UBE2O: variants seen among roughly 807,000 people sequenced by gnomAD.
UBE2O encodes the protein (E3-independent) E2 ubiquitin-conjugating enzyme.
A neutral mutation model predicts 125.8 loss-of-function variants in UBE2O; 15 were observed. The ratio of observed to expected loss-of-function variants is 0.12; its 90% CI spans 0.08 to 0.18. The LOEUF (loss-of-function observed/expected upper bound fraction) is 0.18. UBE2O is among the 10% of genes least tolerant of loss of function. The pLI is 1.00. For missense variants in UBE2O, 1,280 were observed against 1,723.6 expected (o/e 0.74, Z 4.56); for synonymous variants, 708 against 703.2 (o/e 1.01, Z -0.11).
chr17:76,397,381 T>A (rs1444712169), intron 13 of UBE2O, among the ~76,000 whole-genome samples: 2 of 152,232 alleles, frequency 1.3e-5, no homozygotes, highest in Non-Finnish European at 2.9e-5. Context: ...AGAGCCCGTG[T>A]AGCCCTTCTG....
intron 1 of UBE2O, among the ~76,000 whole-genome samples, chr17:76,413,458 C>T (rs916227854): frequency 2.5e-4 from 38 of 152,122 alleles, no homozygotes; most frequent in African/African-American, 7.7e-4. Context: ...CAAAAAAAAA[C>T]CTGAGTGCAT....
At chr17:76,440,537 A>G (rs2073062691) in intron 1 of UBE2O, among the ~76,000 whole-genome samples, 1 of 152,256 alleles carries the variant, frequency 6.6e-6, no homozygotes, top group African/African-American at 2.4e-5. Context: ...CATGTTGCCC[A>G]GGCTGGTCTC....
chr17:76,410,728 C>T lies in UBE2O; in HGVS notation c.418-5156G>A, dbSNP rs1408031590. 2.0e-5 allele frequency among the ~76,000 whole-genome samples: 3 copies of T among 148,168 alleles called. No individual in the cohort carries two copies. The highest frequency in any genetic ancestry group is 7.5e-5 in the African/African-American group (3 of 39,812). Reference sequence around the variant, plus strand: ...CCACTCAGAGCAGGCATTCAGGAGCCGGGGAAGCTCACCGGGGGCCTCTCC... The same window carrying T: ...CCACTCAGAGCAGGCATTCAGGAGCTGGGGAAGCTCACCGGGGGCCTCTCC... On this transcript the variant is annotated intron_variant, in intron 1 of 17. Coordinates refer to ENST00000319380, the MANE Select transcript of UBE2O (RefSeq NM_022066.4). This position sits in a 1 kb window ranked among gnomAD's most constrained non-coding sequence, Gnocchi z 4.0.
rs544112432 is a variant in UBE2O at position 76,443,496 on chromosome 17, C to T, written c.417+9229G>A. 1.1e-4 allele frequency among the ~76,000 whole-genome samples: 16 copies of T among 152,180 alleles called. No individual in the cohort carries two copies. The South Asian group carries it at 3.1e-3, about 30-fold the overall frequency. On this transcript the variant is annotated intron_variant, in intron 1 of 17. Coordinates refer to ENST00000319380, the MANE Select transcript of UBE2O (RefSeq NM_022066.4). ...TAGAGATGGGGTTTCACCATGTTGG[C>T]CAGGCTGGTCTCGAACTCCTGACCT...
Position 76,452,715 on chromosome 17 carries a change from C to CAA in UBE2O, c.417+9_417+10insTT, listed in dbSNP as rs759558089. On this transcript the variant is annotated intron_variant, in intron 1 of 17. Coordinates refer to ENST00000319380, the MANE Select transcript of UBE2O (RefSeq NM_022066.4). The surrounding 1 kb of genome is among the most constrained non-coding windows in gnomAD (Gnocchi z 4.4). ...TGCCGCCCGCGCCGCCCAGCCCCCG[C>CAA]CCGCCGCACCTTGGTCTCCTTCACA... 9 of 1,396,484 alleles carry CAA rather than the reference C, an allele frequency of 6.4e-6. No individual in the cohort carries two copies. Among genetic ancestry groups the CAA allele is most frequent in the Non-Finnish European group, 7.4e-6 (8 of 1,084,776 alleles). 86.5% of individuals were successfully genotyped at this position (1,396,484 alleles called of 1,614,324 possible).
chr17:76,396,010 C>T lies in UBE2O; in HGVS notation c.2809+118G>A, dbSNP rs754768986. ...TGACCACACAGGGAAATGGTTTGCC[C>T]TGGGGCAGTAGCTGGGGTCTGGCGA... On this transcript the variant is annotated intron_variant, in intron 14 of 17. Coordinates refer to ENST00000319380, the MANE Select transcript of UBE2O (RefSeq NM_022066.4). The surrounding 1 kb of genome is among the most constrained non-coding windows in gnomAD (Gnocchi z 6.7). 2.3e-5 allele frequency: 34 copies of T among 1,491,262 alleles called. No homozygotes were observed. The highest frequency in any genetic ancestry group is 3.0e-5 in the Non-Finnish European group (33 of 1,094,432). The allele number at this position is 1,491,262 out of a possible 1,614,324, so 92.4% of individuals were successfully genotyped here. A position where few individuals can be genotyped will look rare whatever the true frequency, so the allele number is the denominator to read the frequency against.
chr17:76,415,260 G>A (rs1473978811), intron 1 of UBE2O, among the ~76,000 whole-genome samples: 1 of 152,176 alleles, frequency 6.6e-6, no homozygotes, highest in Non-Finnish European at 1.5e-5. Flanking sequence ...TCCTGACGGA[G>A]CCTGCCAGGA....
rs1020934436 is a variant in UBE2O at position 76,399,391 on chromosome 17, C to T, written c.1628+58G>A. ...CGCAGGCACGCACACCGAGGGGACG[C>T]GCACTCTGCCTGGCTTCACGCTGAC... On this transcript the variant is annotated intron_variant, in intron 9 of 17. Coordinates refer to ENST00000319380, the MANE Select transcript of UBE2O (RefSeq NM_022066.4). This position sits in a 1 kb window ranked among gnomAD's most constrained non-coding sequence, Gnocchi z 6.9. 76 of 1,525,624 alleles carry T rather than the reference C, an allele frequency of 5.0e-5. No homozygotes were observed. The highest frequency in any genetic ancestry group is 1.6e-4 in the South Asian group (13 of 83,788). 94.5% of individuals were successfully genotyped at this position (1,525,624 alleles called of 1,614,324 possible).
In UBE2O at chr17:76,396,328, T is replaced by G; in HGVS notation, c.2609A>C (p.Asn870Thr). Residue 870 changes from asparagine (N) to threonine (T), a missense_variant, in exon 14 of 18, where the codon AAT becomes ACT. Physicochemically the swap from Asn to Thr is moderately conservative, Grantham distance 65 (BLOSUM62 0). Coordinates refer to ENST00000319380, the MANE Select transcript of UBE2O (RefSeq NM_022066.4). This position sits in a 1 kb window ranked among gnomAD's most constrained non-coding sequence, Gnocchi z 6.7. Reference protein sequence around the residue: ...LQENLKKTLDNVAIVEEEKME... With the variant: ...LQENLKKTLDTVAIVEEEKME... ...CTTCTCCTCCTCTACAATGGCCACA[T>G]TGTCCAGGGTCTTCTTGAGGTTTTC... is the stretch of plus-strand genomic sequence containing the variant. 1 of 1,614,210 alleles carries G rather than the reference T, an allele frequency of 6.2e-7. No homozygotes were observed. The highest frequency in any genetic ancestry group is 8.5e-7 in the Non-Finnish European group (1 of 1,180,030).
In UBE2O at chr17:76,442,010, G is replaced by C. The variant is rs76891045; in HGVS notation, c.417+10715C>G. Among the ~76,000 whole-genome samples, 122 of 152,318 alleles carry C rather than the reference G, an allele frequency of 8.0e-4. 1 individual carries two copies. The East Asian group carries it at 0.023, about 28-fold the overall frequency. On this transcript the variant is annotated intron_variant, in intron 1 of 17. Transcript: ENST00000319380. ...CGTTCGTACTTAGCCATCCTCCTAA[G>C]GTGAGGACTGGGTGCTGATAACCAT...
intron 1 of UBE2O, among the ~76,000 whole-genome samples, chr17:76,436,171 C>T (rs1011386244): frequency 2.6e-5 from 4 of 152,066 alleles, no homozygotes; most frequent in Admixed American, 1.3e-4. Context: ...TGCTTGAACC[C>T]GGGAGGCGGA....
At chr17:76,414,883 A>T (rs1053278695) in intron 1 of UBE2O, among the ~76,000 whole-genome samples, 52 of 152,176 alleles carry the variant, frequency 3.4e-4, no homozygotes, top group Non-Finnish European at 6.0e-4. Context: ...AACCTGGCTT[A>T]AAAAAAGACA....
At position 76,452,676 on chromosome 17, in the gene UBE2O, G is replaced by C. The variant is rs552487700; in HGVS notation, c.417+49C>G. ...CGCCGTCCTTCCCTGGCCTCGGCCC[G>C]GCCGCCGACCCCCTGCCGCCCGCGC... On this transcript the variant is annotated intron_variant, in intron 1 of 17. Coordinates refer to ENST00000319380, the MANE Select transcript of UBE2O (RefSeq NM_022066.4). This position sits in a 1 kb window ranked among gnomAD's most constrained non-coding sequence, Gnocchi z 4.4. 1.4e-3 allele frequency: 1,817 copies of C among 1,341,418 alleles called. 15 individuals carry two copies. In the African/African-American group the frequency reaches 0.025, roughly 19 times the overall value. The allele number at this position is 1,341,418 out of a possible 1,614,324, so 83.1% of individuals were successfully genotyped here. A position where few individuals can be genotyped will look rare whatever the true frequency, so the allele number is the denominator to read the frequency against.
chr17:76,408,776 G>A (rs568521848), intron 1 of UBE2O, among the ~76,000 whole-genome samples: 37 of 152,212 alleles, frequency 2.4e-4, no homozygotes, highest in African/African-American at 7.5e-4. Context: ...CTCTGGGAAA[G>A]CACCAGATTT....
At chr17:76,393,518 C>T (rs1035360857) in intron 15 of UBE2O, among the ~76,000 whole-genome samples, 2 of 152,006 alleles carry the variant, frequency 1.3e-5, no homozygotes, top group African/African-American at 4.8e-5. Flanking sequence ...CAGGCGTGAG[C>T]CACCACGCCC....
rs1487004357 is a variant in UBE2O at position 76,410,598 on chromosome 17, TG to T, written c.418-5027del. ...TACATCAAGTAGGAAAGCAATCAAATGGTAAGTGAGGGGTCAGGGACAATGC... is the reference window on the plus strand; with the variant it reads ...TACATCAAGTAGGAAAGCAATCAAATGTAAGTGAGGGGTCAGGGACAATGC... On this transcript the variant is annotated intron_variant, in intron 1 of 17. Transcript: ENST00000319380. The surrounding 1 kb of genome is among the most constrained non-coding windows in gnomAD (Gnocchi z 4.0). 3.9e-5 allele frequency among the ~76,000 whole-genome samples: 6 copies of T among 151,976 alleles called. No homozygotes were observed. Among genetic ancestry groups the T allele is most frequent in the African/African-American group, 1.5e-4 (6 of 41,370 alleles).
At chr17:76,407,204 G>A (rs142896234) in intron 1 of UBE2O, among the ~76,000 whole-genome samples, 97 of 152,262 alleles carry the variant, frequency 6.4e-4, no homozygotes, top group African/African-American at 2.2e-3. Context: ...CAGCAAGGTC[G>A]GCAGCTGTGA....
intron 1 of UBE2O, among the ~76,000 whole-genome samples, chr17:76,441,770 T>C (rs2073077932): frequency 1.3e-5 from 2 of 152,224 alleles, no homozygotes; most frequent in South Asian, 4.1e-4. Flanking sequence ...TCATGCTCTC[T>C]TCACTTCCCC....
chr17:76,412,012 C>T (rs2072524981), intron 1 of UBE2O, among the ~76,000 whole-genome samples: 1 of 152,116 alleles, frequency 6.6e-6, no homozygotes, highest in African/African-American at 2.4e-5. Flanking sequence ...TCACAGCTTG[C>T]AGTAGTCTCA....
Sources: gnomAD v4.1 joint callset for allele counts (sites outside exome capture counted in the v4.1 genomes callset) on GRCh38, gnomAD v4.1.1 for gene constraint, Gnocchi (gnomAD v3.1) non-coding constraint, MANE v1.5 for transcripts, NCBI Gene and HGNC (gene_info 2026-07-23, HGNC 2026-07-21) for gene names.